RAD54L2: variants seen among roughly 807,000 people sequenced by gnomAD.
The protein encoded by RAD54L2 is helicase ARIP4.
RAD54L2 carries 27 observed loss-of-function variants against 138.4 expected under a neutral mutation model. The ratio of observed to expected loss-of-function variants is 0.20; its 90% CI spans 0.14 to 0.27. The LOEUF is 0.27. RAD54L2 is among the 10% of genes least tolerant of loss of function. RAD54L2 has a pLI of 1.00. For missense variants in RAD54L2, 1,396 were observed against 1,890.2 expected (o/e 0.74, Z 4.85); for synonymous variants, 644 against 723.2 (o/e 0.89, Z 1.76).
chr3:51,630,659 T>C lies in RAD54L2; in HGVS notation c.599-46T>C, dbSNP rs1295141025. The C allele has an allele frequency of 4.7e-6, 7 of 1,483,672 alleles. No individual in the cohort carries two copies. The East Asian group carries it at 1.4e-4, about 29-fold the overall frequency. 91.9% of individuals were successfully genotyped at this position (1,483,672 alleles called of 1,614,324 possible). On this transcript the variant is annotated intron_variant, in intron 6 of 22. Transcript: ENST00000684192. ...TGCTCTGACTGTGTGCAGTAAATTA[T>C]CTTCACTCCCTGGATTTTTGGTTTT...
intron 2 of RAD54L2, among the ~76,000 whole-genome samples, chr3:51,566,976 C>G (rs1030269872): frequency 6.6e-6 from 1 of 152,152 alleles, no homozygotes; most frequent in African/African-American, 2.4e-5. Flanking sequence ...TCTGTATTGG[C>G]TGGCAGATTT....
intron 3 of RAD54L2, among the ~76,000 whole-genome samples, chr3:51,610,527 A>T (rs1700305203): frequency 6.6e-6 from 1 of 151,206 alleles, no homozygotes; most frequent in Admixed American, 6.6e-5. Context: ...TAAACCTGGG[A>T]GGCAGAGGTT....
intron 2 of RAD54L2, among the ~76,000 whole-genome samples, chr3:51,585,071 A>G (rs752529074): frequency 2.2e-4 from 33 of 151,958 alleles, no homozygotes; most frequent in Non-Finnish European, 3.5e-4. Context: ...TCAGTCTCCC[A>G]AAGTGTTGGG....
Position 51,663,639 on chromosome 3 carries a change from C to T in RAD54L2, c.*219C>T, listed in dbSNP as rs909035517. On this transcript the variant is annotated 3_prime_UTR_variant, in exon 23 of 23. Coordinates refer to ENST00000684192, the MANE Select transcript of RAD54L2 (RefSeq NM_015106.4). ...AAAAAGTCCAACACAGCAGCAATAG[C>T]GGGAAATCAGGGACCCAAAACAGGG... is the stretch of plus-strand genomic sequence containing the variant. 57 of 520,454 alleles carry T rather than the reference C, an allele frequency of 1.1e-4. No homozygotes were observed. The highest frequency in any genetic ancestry group is 1.0e-3 in the Middle Eastern group (2 of 1,962). The allele number at this position is 520,454 out of a possible 1,614,324, so 32.2% of individuals were successfully genotyped here. A position where few individuals can be genotyped will look rare whatever the true frequency, so the allele number is the denominator to read the frequency against.
At chr3:51,644,969 T>G in intron 16 of RAD54L2, 55 bp from the exon 17 acceptor site, 1 of 1,595,896 alleles carries the variant, frequency 6.3e-7, no homozygotes, top group African/African-American at 1.3e-5. Flanking sequence ...CAAAACTGAT[T>G]TGAAAACCTT....
intron 2 of RAD54L2, among the ~76,000 whole-genome samples, chr3:51,570,139 A>ATTT (rs374562749): frequency 1.2e-3 from 124 of 100,894 alleles, no homozygotes; most frequent in African/African-American, 2.0e-3. Context: ...AGCCTTTTTA[A>ATTT]TTTTTTTTTT....
At chr3:51,541,828 G>A (rs1301398218) in intron 2 of RAD54L2, 178 bp downstream of exon 2, 2 of 152,260 alleles carry the variant, frequency 1.3e-5, no homozygotes, top group East Asian at 1.9e-4. Context: ...ATGAAGAAAT[G>A]TAAAATCAAG....
Position 51,638,515 on chromosome 3 carries a change from C to A in RAD54L2, c.1860+194C>A. On this transcript the variant is annotated intron_variant, in intron 12 of 22. Coordinates refer to ENST00000684192, the MANE Select transcript of RAD54L2 (RefSeq NM_015106.4). This position sits in a 1 kb window ranked among gnomAD's most constrained non-coding sequence, Gnocchi z 4.3. ...TGTACCACATAACTCCTGGGGGTGC[C>A]ATTCACACAGTGTAATATAACTGAT... 1 of 620,706 alleles carries A rather than the reference C, an allele frequency of 1.6e-6. No homozygotes were observed. Among genetic ancestry groups the A allele is most frequent in the East Asian group, 2.8e-5 (1 of 35,624 alleles). The allele number at this position is 620,706 out of a possible 1,614,324, so 38.4% of individuals were successfully genotyped here.
In RAD54L2 at chr3:51,630,756, G is replaced by A. The variant is rs1309118767; in HGVS notation, c.650G>A (p.Ser217Asn). 6.2e-7 allele frequency: 1 copy of A among 1,614,048 alleles called. No individual in the cohort carries two copies. The highest frequency in any genetic ancestry group is 1.7e-5 in the Admixed American group (1 of 60,032). Residue 217 changes from serine (S) to asparagine (N), a missense_variant, in exon 7 of 23, where the codon AGC becomes AAC. Ser to Asn is a conservative substitution (Grantham distance 46). Transcript: ENST00000684192. ...GEEDTLHIVD[S>N]SESVSEDDEE... Reference sequence around the variant, plus strand: ...GAGGACACTCTGCACATTGTGGACAGCAGTGAATCTGTCAGTGAAGATGAT... The same window carrying A: ...GAGGACACTCTGCACATTGTGGACAACAGTGAATCTGTCAGTGAAGATGAT...
chr3:51,542,028 T>G (rs1698566520), intron 2 of RAD54L2, among the ~76,000 whole-genome samples: 1 of 152,008 alleles, frequency 6.6e-6, no homozygotes, highest in African/African-American at 2.4e-5. Flanking sequence ...AGGCTTAGAG[T>G]TTTCTATTTC....
At chr3:51,653,051 A>T (rs1264765650) in intron 19 of RAD54L2, among the ~76,000 whole-genome samples, 1 of 152,284 alleles carries the variant, frequency 6.6e-6, no homozygotes, top group Admixed American at 6.5e-5. Flanking sequence ...GCTAATATCC[A>T]GAATCCACAA....
At chr3:51,644,981 T>C (rs1187304738) in intron 16 of RAD54L2, 43 bp from the exon 17 acceptor site, 1 of 1,607,482 alleles carries the variant, frequency 6.2e-7, no homozygotes, top group South Asian at 1.1e-5. Flanking sequence ...GAAAACCTTT[T>C]TTAAGACTAA....
intron 3 of RAD54L2, among the ~76,000 whole-genome samples, chr3:51,596,309 C>T (rs1699963911): frequency 6.6e-6 from 1 of 150,608 alleles, no homozygotes; most frequent in Admixed American, 6.7e-5. Flanking sequence ...GGAGCCCAGA[C>T]CAAGAGAGAT....
chr3:51,582,443 T>A (rs905940547), intron 2 of RAD54L2, among the ~76,000 whole-genome samples: 1 of 152,142 alleles, frequency 6.6e-6, no homozygotes, highest in Non-Finnish European at 1.5e-5. Context: ...TGTTTGTGTG[T>A]GTGTGAGTGA....
intron 2 of RAD54L2, among the ~76,000 whole-genome samples, chr3:51,570,907 C>T (rs1443840917): frequency 1.3e-5 from 2 of 151,414 alleles, no homozygotes; most frequent in Non-Finnish European, 2.9e-5. Context: ...CTACAGTCTT[C>T]GTCTCAGGGG....
intron 3 of RAD54L2, among the ~76,000 whole-genome samples, chr3:51,590,876 A>G (rs1323537456): frequency 1.3e-5 from 2 of 152,140 alleles, no homozygotes; most frequent in African/African-American, 2.4e-5. Flanking sequence ...CAGAGTTCCT[A>G]TGGTAAGACT....
intron 19 of RAD54L2, 134 bp from the exon 20 acceptor site, chr3:51,655,836 GC>G: frequency 2.8e-6 from 2 of 722,422 alleles, no homozygotes; most frequent in Admixed American, 5.6e-5. Context: ...ACCAGACCCT[GC>G]AGATTCTTCT....
Position 51,630,825 on chromosome 3 carries a change from A to C in RAD54L2, c.719A>C (p.Asn240Thr). The stretch of plus-strand genomic sequence containing the variant: ...GGCACCCATGTCAATGATGTCTTAA[A>C]CCAGCGTGACGCCCTTGGGCGGGTC... ...KGGTHVNDVL[N>T]QRDALGRVLV... is the part of the protein sequence containing the mutation. The change falls in exon 7 of 23, where the codon AAC (asparagine) becomes ACC (threonine). Residue 240 changes from asparagine to threonine, a missense_variant. By Grantham distance (65) the Asn-to-Thr change is moderately conservative. Transcript: ENST00000684192. 1.2e-6 allele frequency: 2 copies of C among 1,614,050 alleles called. No homozygotes were observed. The highest frequency in any genetic ancestry group is 1.7e-6 in the Non-Finnish European group (2 of 1,179,884).
chr3:51,642,464 GA>G (rs1466376126), intron 15 of RAD54L2, among the ~76,000 whole-genome samples: 1 of 150,250 alleles, frequency 6.7e-6, no homozygotes, highest in Non-Finnish European at 1.5e-5. Flanking sequence ...GTGTCATTGG[GA>G]AAAAAAAAGT....
Sources: gnomAD v4.1 joint callset for allele counts (sites outside exome capture counted in the v4.1 genomes callset) on GRCh38, gnomAD v4.1.1 for gene constraint, Gnocchi (gnomAD v3.1) non-coding constraint, MANE v1.5 for transcripts, NCBI Gene and HGNC (gene_info 2026-07-23, HGNC 2026-07-21) for gene names.